The following KCNN1 variants were observed in gnomAD, a reference collection of about 807,000 sequenced individuals.
KCNN1 encodes the protein potassium calcium-activated channel subfamily N member 1.
KCNN1 carries 20 observed loss-of-function variants against 44.7 expected under a neutral mutation model. The ratio of observed to expected loss-of-function variants is 0.45; its 90% CI spans 0.32 to 0.65. KCNN1 has a LOEUF of 0.65. KCNN1 is among the 30% of genes least tolerant of loss of function. The pLI is 0.05. For synonymous variants in KCNN1, 324 were observed against 341.7 expected (o/e 0.95, Z 0.57); for missense variants, 632 against 785.3 (o/e 0.80, Z 2.33).
At chr19:17,997,008 T>C (rs939988443) in intron 9 of KCNN1, among the ~76,000 whole-genome samples, 17 of 152,108 alleles carry the variant, frequency 1.1e-4, no homozygotes, top group Admixed American at 1.1e-3. Flanking sequence ...CGTGGAGTGA[T>C]GTTCTAGTGC....
At chr19:17,952,090 T>G (rs2031424719) in intron 1 of KCNN1, 1 of 152,128 alleles carries the variant, frequency 6.6e-6, no homozygotes, top group African/African-American at 2.4e-5. Context: ...ATTCCATCCC[T>G]GCTTTAGAGG....
rs2032137778 is a variant in KCNN1, at chr19:17,974,406, TC to T, written c.402+119del. The T allele has an allele frequency of 8.3e-7, 1 of 1,209,426 alleles. No individual in the cohort carries two copies. Among genetic ancestry groups the T allele is most frequent in the Non-Finnish European group, 1.1e-6 (1 of 899,878 alleles). The allele number at this position is 1,209,426 out of a possible 1,614,324, so 74.9% of individuals were successfully genotyped here. On this transcript the variant is annotated intron_variant, in intron 2 of 9. Coordinates refer to ENST00000684775, the MANE Select transcript of KCNN1 (RefSeq NM_001386974.1). The surrounding 1 kb of genome is among the most constrained non-coding windows in gnomAD (Gnocchi z 7.3). ...CGGGAGATAGGGAGTGTTAGGGGGC[TC>T]CCGGAGGTGAGGGCTCCCTGGCCTT...
rs770849404 is a variant in KCNN1, at chr19:17,974,013, T to C, written c.125T>C (p.Leu42Pro). Residue 42 changes from leucine (L) to proline (P), a missense_variant, in exon 2 of 10, where the codon CTC (leucine) becomes CCC (proline). By Grantham distance (98) the Leu-to-Pro change is moderately conservative (BLOSUM62 -3). This residue lies in a region of KCNN1 where 235 missense variants were observed against 224.0 expected (regional missense o/e 1.05). Transcript: ENST00000684775. The surrounding 1 kb of genome is among the most constrained non-coding windows in gnomAD (Gnocchi z 7.3). ...HPPQPPHSPG[L>P]QVVVAKSEPA... ...CCACAACCCCCGCACAGCCCGGGCC[T>C]CCAGGTGGTAGTGGCCAAGAGTGAG... 2 of 1,600,414 alleles carry C rather than the reference T, an allele frequency of 1.2e-6. No individual in the cohort carries two copies. The highest frequency in any genetic ancestry group is 2.2e-5 in the South Asian group (2 of 89,932).
chr19:17,981,109 C>T (rs576597856), intron 3 of KCNN1, among the ~76,000 whole-genome samples: 3 of 150,834 alleles, frequency 2.0e-5, no homozygotes, highest in Admixed American at 6.6e-5. Context: ...CCCAGCTACT[C>T]GGGAGGCTGA....
upstream of KCNN1, among the ~76,000 whole-genome samples, chr19:17,965,707 G>C (rs1284742058): frequency 6.6e-6 from 1 of 151,018 alleles, no homozygotes; most frequent in Non-Finnish European, 1.5e-5. Flanking sequence ...AAAGCTGCTT[G>C]TGTCTGGTCA....
chr19:17,967,481 A>G (rs1354665483), intron 1 of KCNN1, among the ~76,000 whole-genome samples, 164 bp downstream of exon 1: 1 of 151,746 alleles, frequency 6.6e-6, no homozygotes, highest in Non-Finnish European at 1.5e-5. Context: ...AGGTGGGGGG[A>G]ATGAATGCAT....
intron 3 of KCNN1, among the ~76,000 whole-genome samples, chr19:17,978,489 G>A (rs1403944738): frequency 6.7e-6 from 1 of 148,950 alleles, no homozygotes; most frequent in Non-Finnish European, 1.5e-5. Context: ...GTACAGTGGT[G>A]CAGTCAGAGT....
Position 17,960,943 on chromosome 19 carries a change from G to T in KCNN1, c.-82+6262G>T, listed in dbSNP as rs2031661507. On this transcript the variant is annotated intron_variant, in intron 2 of 10. Transcript: ENST00000222249. ...AATCTACCATGAGCCCCTCTTCATT[G>T]GGTGGGCCAAAGCAGGTAGATCACT... 2.6e-5 allele frequency among the ~76,000 whole-genome samples: 4 copies of T among 151,804 alleles called. No individual in the cohort carries two copies. In the South Asian group the frequency reaches 8.3e-4, roughly 32 times the overall value.
intron 9 of KCNN1, among the ~76,000 whole-genome samples, chr19:17,996,276 A>T (rs1173124027): frequency 3.3e-5 from 5 of 151,958 alleles, no homozygotes. Flanking sequence ...ACTGCACTCC[A>T]GTCTGGGAGA....
At chr19:17,972,843 C>T (rs574185111) in intron 1 of KCNN1, among the ~76,000 whole-genome samples, 39 of 152,216 alleles carry the variant, frequency 2.6e-4, no homozygotes, top group Non-Finnish European at 4.6e-4. Flanking sequence ...TAGATTTCAT[C>T]TTCCAGCGTT....
chr19:17,964,714 A>C (rs2031757406), upstream of KCNN1, among the ~76,000 whole-genome samples: 1 of 152,172 alleles, frequency 6.6e-6, no homozygotes, highest in Admixed American at 6.5e-5. This position sits in a 1 kb window ranked among gnomAD's most constrained non-coding sequence, Gnocchi z 4.3. Context: ...GAGGGGTGGG[A>C]TTCCAGCAGG....
chr19:17,969,930 G>T (rs890519695), intron 1 of KCNN1, among the ~76,000 whole-genome samples: 1 of 152,238 alleles, frequency 6.6e-6, no homozygotes, highest in African/African-American at 2.4e-5. Flanking sequence ...TGTTCAGGCA[G>T]TGGGCAGGGG....
chr19:17,955,521 A>AT (rs1368591812), intron 2 of KCNN1, among the ~76,000 whole-genome samples: 1 of 147,816 alleles, frequency 6.8e-6, no homozygotes, highest in Non-Finnish European at 1.5e-5. Flanking sequence ...AGATTGTGCC[A>AT]TTGCACTCCA....
intron 2 of KCNN1, among the ~76,000 whole-genome samples, chr19:17,957,354 GAAGA>G (rs1184921343): frequency 7.3e-6 from 1 of 137,820 alleles, no homozygotes; most frequent in Non-Finnish European, 1.6e-5. Flanking sequence ...AGAAAAGAAA[GAAGA>G]AAGAGGAAGG....
At chr19:17,997,012 C>G (rs538431733) in intron 9 of KCNN1, among the ~76,000 whole-genome samples, 1 of 152,246 alleles carries the variant, frequency 6.6e-6, no homozygotes, top group African/African-American at 2.4e-5. Context: ...GAGTGATGTT[C>G]TAGTGCCACC....
Position 17,979,991 on chromosome 19 carries a change from C to T in KCNN1, c.499-1718C>T, listed in dbSNP as rs922799112. ...CTGAGGAGGGAGGACTGCTGGAGCC[C>T]AGGAGTTCAAAGCCAGCCTGGGCAA... On this transcript the variant is annotated intron_variant, in intron 3 of 9. Coordinates refer to ENST00000684775, the MANE Select transcript of KCNN1 (RefSeq NM_001386974.1). Among the ~76,000 whole-genome samples the T allele has an allele frequency of 7.9e-5, 12 of 151,552 alleles. 1 individual carries two copies. The highest frequency in any genetic ancestry group is 6.6e-4 in the Admixed American group (10 of 15,182).
At chr19:17,981,657 G>T in intron 3 of KCNN1, 52 bp from the exon 4 acceptor site, 1 of 1,502,156 alleles carries the variant, frequency 6.7e-7, no homozygotes, top group South Asian at 1.3e-5. Context: ...GCTGGGCAGG[G>T]AGCGCGGCGC....
At chr19:17,959,813 G>C (rs749703451) in intron 2 of KCNN1, among the ~76,000 whole-genome samples, 3 of 152,148 alleles carry the variant, frequency 2.0e-5, no homozygotes, top group Non-Finnish European at 4.4e-5. Context: ...AGCTGGACGC[G>C]GTGGCTCAGG....
intron 9 of KCNN1, among the ~76,000 whole-genome samples, chr19:17,996,833 G>GA (rs1372496248): frequency 2.6e-5 from 4 of 152,118 alleles, no homozygotes; most frequent in African/African-American, 4.8e-5. Flanking sequence ...AAGGGTAGGG[G>GA]GCACAGTGGA....
Sources: allele counts gnomAD v4.1 joint callset (sites outside exome capture counted in the v4.1 genomes callset), GRCh38; gene constraint gnomAD v4.1.1; regional missense constraint gnomAD v4.1.1; non-coding constraint Gnocchi (gnomAD v3.1); transcripts MANE v1.5; gene names NCBI Gene and HGNC (gene_info 2026-07-23, HGNC 2026-07-21).